Variants in EIF3H observed in about 807,000 individuals in gnomAD.
EIF3H encodes the protein eukaryotic translation initiation factor 3 subunit H.
In EIF3H, 26 loss-of-function variants were observed where a neutral mutation model predicts 44.2. The ratio of observed to expected loss-of-function variants is 0.59; its 90% CI spans 0.43 to 0.82. EIF3H has a LOEUF of 0.82. EIF3H is among the 40% of genes least tolerant of loss of function. The probability of loss-of-function intolerance (pLI) is 0.00; values close to 1 mark genes in which losing one functional copy is unlikely to be tolerated. For synonymous variants in EIF3H, 166 were observed against 151.9 expected (o/e 1.09, Z -0.68); for missense variants, 359 against 432.8 (o/e 0.83, Z 1.51).
chr8:116,752,718 AAGAAAGAAAGAAAGAAG>A lies in EIF3H; in HGVS notation c.132+2931_132+2947del, dbSNP rs1563662970. ...AAAGAAAGAAAGAAAGAAAGAAAGA[AAGAAAGAAAGAAAGAAG>A]AGAAAGAAAGAAAGAAAGAGGGAGG... On this transcript the variant is annotated intron_variant, in intron 1 of 7. Coordinates refer to ENST00000521861, the MANE Select transcript of EIF3H (RefSeq NM_003756.3). Among the ~76,000 whole-genome samples, 7 of 122,012 alleles carry A rather than the reference AAGAAAGAAAGAAAGAAG, an allele frequency of 5.7e-5. 1 individual carries two copies. Among genetic ancestry groups the A allele is most frequent in the African/African-American group, 1.8e-4 (6 of 34,166 alleles). The allele number at this position is 122,012 out of a possible 152,430, so 80.0% of individuals were successfully genotyped here. A position where few individuals can be genotyped will look rare whatever the true frequency, so the allele number is the denominator to read the frequency against.
upstream of EIF3H, chr8:116,756,062 C>T (rs2131002486): frequency 5.5e-6 from 8 of 1,442,616 alleles, no homozygotes; most frequent in Non-Finnish European, 7.5e-6. Context: ...TCATTCACCA[C>T]TAGGCAAACC....
chr8:116,763,893 T>C (rs1055565715), intron 1 of EIF3H, among the ~76,000 whole-genome samples: 1 of 152,206 alleles, frequency 6.6e-6, no homozygotes, highest in Non-Finnish European at 1.5e-5. Context: ...ACCTCTTTAA[T>C]TCCATTTAGG....
At chr8:116,667,317 C>A (rs919718007) in intron 2 of EIF3H, among the ~76,000 whole-genome samples, 10 of 152,090 alleles carry the variant, frequency 6.6e-5, no homozygotes, top group Non-Finnish European at 1.5e-4. Context: ...TGTGGGGCTT[C>A]AATGAAAACT....
chr8:116,696,879 A>C (rs747439812), intron 2 of EIF3H, among the ~76,000 whole-genome samples: 4 of 152,262 alleles, frequency 2.6e-5, no homozygotes, highest in Non-Finnish European at 5.9e-5. Context: ...ACACACAAAA[A>C]AGTCAAAAGC....
chr8:116,722,920 T>G (rs1814775474), intron 2 of EIF3H, among the ~76,000 whole-genome samples: 2 of 152,320 alleles, frequency 1.3e-5, no homozygotes, highest in Middle Eastern at 3.4e-3. Flanking sequence ...ATAAAGAGCT[T>G]GTAGAAATTT....
At chr8:116,656,723 T>C (rs1172043077) in intron 4 of EIF3H, among the ~76,000 whole-genome samples, 1 of 152,158 alleles carries the variant, frequency 6.6e-6, no homozygotes, top group Non-Finnish European at 1.5e-5. Context: ...TACAATGCCA[T>C]TAAATAGGAT....
intron 2 of EIF3H, among the ~76,000 whole-genome samples, chr8:116,718,475 CATCA>C (rs1240116451): frequency 2.0e-5 from 3 of 152,014 alleles, no homozygotes; most frequent in Non-Finnish European, 4.4e-5. Flanking sequence ...CCCAAATGCT[CATCA>C]ATCAATCAGT....
chr8:116,699,916 C>T (rs1279810571), intron 2 of EIF3H, among the ~76,000 whole-genome samples: 1 of 152,046 alleles, frequency 6.6e-6, no homozygotes, highest in Non-Finnish European at 1.5e-5. Context: ...GTTCAAGAGA[C>T]TCCCGTGCCT....
rs568856919 is a variant in EIF3H at position 116,743,627 on chromosome 8, C to T, written c.132+12039G>A. Among the ~76,000 whole-genome samples the T allele has an allele frequency of 1.4e-3, 207 of 151,214 alleles. 1 individual carries two copies. Among genetic ancestry groups the T allele is most frequent in the Middle Eastern group, 6.8e-3 (2 of 294 alleles). On this transcript the variant is annotated intron_variant, in intron 1 of 7. Transcript: ENST00000521861. ...AAAATTAGCTAGGTGTGGTAACATG[C>T]ACCCATTATGGTCCCAGCTACTAGG... is the stretch of plus-strand genomic sequence containing the variant.
At chr8:116,752,751 AAGAGGGAGGG>A (rs1279792144) in intron 1 of EIF3H, among the ~76,000 whole-genome samples, 1 of 82,066 alleles carries the variant, frequency 1.2e-5, no homozygotes, top group African/African-American at 4.7e-5. Context: ...GAAAGAAAGA[AAGAGGGAGGG>A]AGGGAGGGAG....
chr8:116,754,200 G>A (rs993752111), intron 1 of EIF3H, among the ~76,000 whole-genome samples: 1 of 151,504 alleles, frequency 6.6e-6, no homozygotes, highest in African/African-American at 2.4e-5. Context: ...TGCAACCTCC[G>A]CCTCCCAGGT....
At chr8:116,655,043 T>C (rs199910255) in intron 5 of EIF3H, among the ~76,000 whole-genome samples, 35 of 152,038 alleles carry the variant, frequency 2.3e-4, no homozygotes, top group Non-Finnish European at 4.7e-4. Context: ...CTTTACCTAC[T>C]CTGACCATTT....
intron 2 of EIF3H, among the ~76,000 whole-genome samples, chr8:116,722,209 T>G (rs200040313): frequency 2.0e-5 from 3 of 152,174 alleles, no homozygotes; most frequent in Non-Finnish European, 4.4e-5. Flanking sequence ...CGAGATCTGA[T>G]GATTTTATAA....
intron 1 of EIF3H, among the ~76,000 whole-genome samples, chr8:116,742,013 G>A (rs1050566500): frequency 6.3e-4 from 95 of 151,726 alleles, no homozygotes; most frequent in Non-Finnish European, 6.6e-4. Context: ...AACTGGCTGA[G>A]TCAAATAATA....
intron 1 of EIF3H, among the ~76,000 whole-genome samples, chr8:116,732,951 T>G (rs1586482986): frequency 6.6e-6 from 1 of 152,308 alleles, no homozygotes; most frequent in East Asian, 1.9e-4. Flanking sequence ...TTCCTGGAGT[T>G]AGTGTCAGAT....
At chr8:116,646,107 A>G (rs1813292553) in intron 7 of EIF3H, among the ~76,000 whole-genome samples, 1 of 152,216 alleles carries the variant, frequency 6.6e-6, no homozygotes, top group African/African-American at 2.4e-5. Context: ...CAAGTCAAGT[A>G]CCCACTGTAC....
intron 2 of EIF3H, among the ~76,000 whole-genome samples, chr8:116,702,147 T>C (rs1358065302): frequency 6.6e-6 from 1 of 152,118 alleles, no homozygotes; most frequent in East Asian, 1.9e-4. Context: ...TCTTGAAATA[T>C]GGGAAGGAGT....
intron 2 of EIF3H, among the ~76,000 whole-genome samples, chr8:116,714,405 T>G (rs1466247615): frequency 6.6e-6 from 1 of 152,112 alleles, no homozygotes; most frequent in Non-Finnish European, 1.5e-5. Flanking sequence ...TTTACAATTT[T>G]TTTATGTACA....
chr8:116,702,136 C>T (rs1229702895), intron 2 of EIF3H, among the ~76,000 whole-genome samples: 2 of 152,146 alleles, frequency 1.3e-5, no homozygotes, highest in Non-Finnish European at 2.9e-5. Context: ...TCTCAACTTA[C>T]TCTTGAAATA....
Sources: gnomAD v4.1 joint callset for allele counts (sites outside exome capture counted in the v4.1 genomes callset) on GRCh38, gnomAD v4.1.1 for gene constraint, MANE v1.5 for transcripts, NCBI Gene and HGNC (gene_info 2026-07-23, HGNC 2026-07-21) for gene names.